The following SNX18 variants were observed in gnomAD, a reference collection of about 807,000 sequenced individuals.
The protein encoded by SNX18 is sorting nexin-18.
A neutral mutation model predicts 48.7 loss-of-function variants in SNX18; 35 were observed. That is an observed-to-expected ratio of 0.72 (90% confidence interval 0.55 to 0.95). The LOEUF is 0.95. Among genes scored for constraint, SNX18 ranks in the 40% least tolerant of loss-of-function variants. The pLI is 0.00. For missense variants in SNX18, 824 were observed against 871.0 expected (o/e 0.95, Z 0.68); for synonymous variants, 492 against 384.7 (o/e 1.28, Z -3.26).
At chr5:54,527,141 C>G (rs773836794) in intron 1 of SNX18, among the ~76,000 whole-genome samples, 1 of 151,734 alleles carries the variant, frequency 6.6e-6, no homozygotes, top group Non-Finnish European at 1.5e-5. Flanking sequence ...AATGAAAGCC[C>G]GAGTCAGATG....
chr5:54,565,028 C>T, the SNX18 span, among the ~76,000 whole-genome samples: 2 of 152,194 alleles, frequency 1.3e-5, no homozygotes, highest in Non-Finnish European at 2.9e-5. Context: ...CCAGTGATGG[C>T]TGAGTCCTTC....
downstream of SNX18, among the ~76,000 whole-genome samples, chr5:54,550,461 A>C (rs145701649): frequency 1.9e-3 from 287 of 152,324 alleles, 1 homozygote; most frequent in Non-Finnish European, 3.1e-3. Context: ...AAGATGAGGA[A>C]GCTCTTCATA....
At chr5:54,638,480 A>G in the SNX18 span, among the ~76,000 whole-genome samples, 23 of 152,302 alleles carry the variant, frequency 1.5e-4, no homozygotes, top group South Asian at 2.1e-4. Flanking sequence ...AGACAGCTGA[A>G]TAATAGCAGA....
chr5:54,625,042 C>T, the SNX18 span, among the ~76,000 whole-genome samples: 1 of 152,064 alleles, frequency 6.6e-6, no homozygotes, highest in Non-Finnish European at 1.5e-5. Flanking sequence ...TATTTTGAAA[C>T]TTATATATTC....
At chr5:54,542,241 C>T (rs573125338) in intron 1 of SNX18, among the ~76,000 whole-genome samples, 2 of 152,256 alleles carry the variant, frequency 1.3e-5, no homozygotes, top group African/African-American at 4.8e-5. Flanking sequence ...ACTGTGCTTT[C>T]GGGGGAGGGC....
chr5:54,569,965 T>G, the SNX18 span, among the ~76,000 whole-genome samples: 15 of 152,354 alleles, frequency 9.8e-5, no homozygotes, highest in South Asian at 2.7e-3. Flanking sequence ...ATATATAACA[T>G]GGACAGTGTA....
chr5:54,636,141 G>T, the SNX18 span, among the ~76,000 whole-genome samples: 1 of 152,176 alleles, frequency 6.6e-6, no homozygotes, highest in Non-Finnish European at 1.5e-5. Context: ...TCTAAGAGAT[G>T]CTAGACTCTA....
chr5:54,533,575 A>G (rs923488729), intron 1 of SNX18, among the ~76,000 whole-genome samples: 4 of 152,230 alleles, frequency 2.6e-5, no homozygotes, highest in African/African-American at 9.6e-5. Flanking sequence ...GGGCAGACCC[A>G]GGTTCACATG....
chr5:54,635,004 T>A, the SNX18 span, among the ~76,000 whole-genome samples: 1 of 151,970 alleles, frequency 6.6e-6, no homozygotes, highest in Non-Finnish European at 1.5e-5. Context: ...AGCCGGAAAA[T>A]AATTTTATAG....
the SNX18 span, among the ~76,000 whole-genome samples, chr5:54,561,875 T>C: frequency 1.3e-5 from 2 of 152,204 alleles, no homozygotes; most frequent in Non-Finnish European, 2.9e-5. Flanking sequence ...GAAGCAGATA[T>C]ACAATGGCAG....
At chr5:54,599,333 G>A in the SNX18 span, among the ~76,000 whole-genome samples, 1 of 152,146 alleles carries the variant, frequency 6.6e-6, no homozygotes, top group Admixed American at 6.5e-5. Flanking sequence ...AGCCAGAGAG[G>A]ACACAAACTA....
chr5:54,562,835 G>A, the SNX18 span, among the ~76,000 whole-genome samples: 8 of 152,176 alleles, frequency 5.3e-5, no homozygotes, highest in Admixed American at 3.3e-4. Flanking sequence ...GTTATCACAG[G>A]AGATGACAGC....
chr5:54,623,186 G>A, the SNX18 span, among the ~76,000 whole-genome samples: 1 of 152,136 alleles, frequency 6.6e-6, no homozygotes, highest in Admixed American at 6.5e-5. Flanking sequence ...CCAGAGGGGT[G>A]GCAAGACTCA....
chr5:54,577,480 G>A, the SNX18 span, among the ~76,000 whole-genome samples: 53 of 151,854 alleles, frequency 3.5e-4, no homozygotes, highest in Admixed American at 3.3e-4. Flanking sequence ...CTAGGTCTAC[G>A]GCTTTTGCTT....
At chr5:54,619,180 T>TTA in the SNX18 span, among the ~76,000 whole-genome samples, 1 of 152,024 alleles carries the variant, frequency 6.6e-6, no homozygotes, top group Non-Finnish European at 1.5e-5. Context: ...AAGTTATTGT[T>TTA]TAAGTTAGCA....
chr5:54,604,455 A>G, the SNX18 span, among the ~76,000 whole-genome samples: 1 of 152,268 alleles, frequency 6.6e-6, no homozygotes, highest in Non-Finnish European at 1.5e-5. Flanking sequence ...ACATTTTGGT[A>G]CATGTTACAA....
chr5:54,604,718 A>C, the SNX18 span, among the ~76,000 whole-genome samples: 1 of 152,232 alleles, frequency 6.6e-6, no homozygotes, highest in East Asian at 1.9e-4. Context: ...CATTGTAAAT[A>C]TGCTTAATGT....
the SNX18 span, among the ~76,000 whole-genome samples, chr5:54,593,249 T>G: frequency 6.6e-6 from 1 of 152,224 alleles, no homozygotes; most frequent in Non-Finnish European, 1.5e-5. Flanking sequence ...ATTAATATAT[T>G]TTCCTGTAAC....
At chr5:54,590,838 C>T in the SNX18 span, among the ~76,000 whole-genome samples, 2 of 152,194 alleles carry the variant, frequency 1.3e-5, no homozygotes, top group African/African-American at 2.4e-5. Context: ...AGATCCTGAG[C>T]TCCATGAGGG....
Sources: gnomAD v4.1 joint callset for allele counts (sites outside exome capture counted in the v4.1 genomes callset) on GRCh38, gnomAD v4.1.1 for gene constraint, MANE v1.5 for transcripts, NCBI Gene and HGNC (gene_info 2026-07-23, HGNC 2026-07-21) for gene names.